HEATR3: variants seen among roughly 807,000 people sequenced by gnomAD.
HEATR3 encodes the protein HEAT repeat-containing protein 3.
In HEATR3, 56 loss-of-function variants were observed where a neutral mutation model predicts 72.8. The observed-to-expected ratio is 0.77, with a 90% confidence interval of 0.62 to 0.96. HEATR3 has a LOEUF of 0.96. HEATR3 is among the 40% of genes least tolerant of loss of function. HEATR3 has a pLI of 0.00. For missense variants in HEATR3, 747 were observed against 831.4 expected (o/e 0.90, Z 1.25); for synonymous variants, 331 against 318.1 (o/e 1.04, Z -0.43).
In HEATR3 at chr16:50,102,284, T is replaced by A; in HGVS notation, c.1769T>A (p.Val590Asp). 6.2e-7 allele frequency: 1 copy of A among 1,613,496 alleles called. No individual in the cohort carries two copies. Among genetic ancestry groups the A allele is most frequent in the Non-Finnish European group, 8.5e-7 (1 of 1,179,884 alleles). Reference protein sequence around the residue: ...LKNIGCFLLEVTTKDPSLVVA... With the variant: ...LKNIGCFLLEDTTKDPSLVVA... ...AACATTGGGTGCTTTCTGCTTGAAGTTACCACCAAAGATCCTTCCCTTGTG... is the reference window on the plus strand; with the variant it reads ...AACATTGGGTGCTTTCTGCTTGAAGATACCACCAAAGATCCTTCCCTTGTG... Residue 590 changes from valine to aspartate, a missense_variant, in exon 14 of 15, where the codon GTT (valine) becomes GAT (aspartate). Val to Asp is a radical substitution (Grantham distance 152, BLOSUM62 -3). Around this residue, in one of 2 missense-constraint regions of HEATR3, gnomAD observed 586 missense variants for 708.8 expected, o/e 0.83. Transcript: ENST00000299192.
Position 50,066,365 on chromosome 16 carries a change from A to T in HEATR3, c.139-2A>T. ...TCTGACCCTTTTCGCTCTCATCCGC[A>T]GCTCCAGCACCCGAGCGCCGAGGTC... On this transcript the variant is annotated splice_acceptor_variant, in intron 1 of 14. Coordinates refer to ENST00000299192, the MANE Select transcript of HEATR3 (RefSeq NM_182922.4). LOFTEE classifies it high-confidence loss of function. 5.2e-6 allele frequency: 8 copies of T among 1,551,962 alleles called. No individual in the cohort carries two copies. Among genetic ancestry groups the T allele is most frequent in the Non-Finnish European group, 6.9e-6 (8 of 1,159,968 alleles).
chr16:50,093,408 G>A (rs969357580), intron 11 of HEATR3, among the ~76,000 whole-genome samples: 3 of 152,208 alleles, frequency 2.0e-5, no homozygotes, highest in Non-Finnish European at 2.9e-5. Context: ...GTCTAGGCCA[G>A]TGGTTCTCAA....
chr16:50,104,518 G>A (rs570949656), intron 14 of HEATR3, among the ~76,000 whole-genome samples: 1 of 152,212 alleles, frequency 6.6e-6, no homozygotes, highest in Admixed American at 6.5e-5. Context: ...GCATGAGTAT[G>A]CACCCAGCCT....
intron 5 of HEATR3, chr16:50,072,938 A>G (rs924434195): frequency 2.2e-6 from 1 of 458,924 alleles, no homozygotes; most frequent in African/African-American, 2.0e-5. Context: ...GAGAAAGGTA[A>G]TTATGTGAGG....
intron 5 of HEATR3, 127 bp from the exon 6 acceptor site, chr16:50,075,444 A>G: frequency 1.4e-6 from 1 of 733,334 alleles, no homozygotes; most frequent in South Asian, 1.8e-5. Flanking sequence ...AAGCATATAT[A>G]TTTTGCAAAA....
At chr16:50,096,324 C>CAAAAAAAAAAAAAAAA (rs59995532) in intron 12 of HEATR3, among the ~76,000 whole-genome samples, 2 of 86,820 alleles carry the variant, frequency 2.3e-5, no homozygotes, top group Non-Finnish European at 4.4e-5. Flanking sequence ...GACTCCGTCT[C>CAAAAAAAAAAAAAAAA]AAAAAAAAAA....
chr16:50,074,865 C>T (rs2036688807), intron 5 of HEATR3: 1 of 151,986 alleles, frequency 6.6e-6, no homozygotes. Flanking sequence ...GCCTGTAGTC[C>T]CAGCTACTCG....
At chr16:50,072,503 C>T (rs1034774555) in intron 4 of HEATR3, 102 bp from the exon 5 acceptor site, 1 of 714,942 alleles carries the variant, frequency 1.4e-6, no homozygotes, top group African/African-American at 1.8e-5. Flanking sequence ...ATTCCAACTC[C>T]TTGGTTTATA....
intron 12 of HEATR3, 21 bp downstream of exon 12, chr16:50,094,814 T>C (rs2150621909): frequency 2.7e-6 from 4 of 1,470,366 alleles, no homozygotes; most frequent in Non-Finnish European, 2.8e-6. Flanking sequence ...TAAAATTTTT[T>C]GTATGAAACT....
chr16:50,092,219 C>G (rs1468872354), intron 11 of HEATR3, among the ~76,000 whole-genome samples: 1 of 151,728 alleles, frequency 6.6e-6, no homozygotes, highest in Non-Finnish European at 1.5e-5. Context: ...GCCTGTGGTC[C>G]CAGCTACTCG....
At chr16:50,079,339 G>C (rs2036815410) in intron 7 of HEATR3, among the ~76,000 whole-genome samples, 1 of 152,192 alleles carries the variant, frequency 6.6e-6, no homozygotes, top group African/African-American at 2.4e-5. Flanking sequence ...GTTACATACT[G>C]TCTGCCAGAC....
intron 11 of HEATR3, 89 bp downstream of exon 11, chr16:50,086,440 T>C: frequency 7.3e-7 from 1 of 1,360,606 alleles, no homozygotes; most frequent in East Asian, 2.5e-5. Flanking sequence ...ATATTGTTTG[T>C]CATCCAATGT....
Position 50,084,551 on chromosome 16 carries a change from T to A in HEATR3, c.1291-18T>A. ...GACTACTCTTTAACCTTTGCTTTAC[T>A]GCCTCTTTTAAATCTAGATTTTTGA... On this transcript the variant is annotated intron_variant, in intron 9 of 14. Coordinates refer to ENST00000299192, the MANE Select transcript of HEATR3 (RefSeq NM_182922.4). 1 of 1,570,120 alleles carries A rather than the reference T, an allele frequency of 6.4e-7. No homozygotes were observed. Among genetic ancestry groups the A allele is most frequent in the African/African-American group, 1.4e-5 (1 of 74,064 alleles).
intron 13 of HEATR3, chr16:50,100,709 A>C: frequency 3.5e-6 from 1 of 281,770 alleles, no homozygotes; most frequent in South Asian, 3.9e-5. Flanking sequence ...TGCATGTTAC[A>C]TTCTCCTGCT....
At chr16:50,095,664 A>G (rs1369869690) in intron 12 of HEATR3, among the ~76,000 whole-genome samples, 1 of 151,946 alleles carries the variant, frequency 6.6e-6, no homozygotes, top group Non-Finnish European at 1.5e-5. Context: ...AGTAGCTGGG[A>G]TTACAGGTGT....
chr16:50,093,691 T>G (rs1256925168), intron 11 of HEATR3, among the ~76,000 whole-genome samples: 1 of 152,126 alleles, frequency 6.6e-6, no homozygotes, highest in African/African-American at 2.4e-5. Flanking sequence ...TCATCCGAAG[T>G]CTTGTTCACT....
chr16:50,067,350 G>A (rs2036520251), intron 2 of HEATR3, among the ~76,000 whole-genome samples: 1 of 147,962 alleles, frequency 6.8e-6, no homozygotes, highest in South Asian at 2.2e-4. Context: ...ACAAGACCCT[G>A]TCTCAAAAAA....
chr16:50,098,658 AAATAAT>A (rs990900959), intron 12 of HEATR3, among the ~76,000 whole-genome samples: 2 of 151,874 alleles, frequency 1.3e-5, no homozygotes, highest in East Asian at 1.9e-4. Flanking sequence ...TCCGTTTCAA[AAATAAT>A]AATAATAATA....
intron 11 of HEATR3, among the ~76,000 whole-genome samples, chr16:50,091,030 G>C (rs2037097754): frequency 6.6e-6 from 1 of 152,262 alleles, no homozygotes; most frequent in South Asian, 2.1e-4. Context: ...CTGTAGTCCA[G>C]CTACTTGGGA....
Sources: allele counts gnomAD v4.1 joint callset (sites outside exome capture counted in the v4.1 genomes callset), GRCh38; gene constraint gnomAD v4.1.1; regional missense constraint gnomAD v4.1.1; transcripts MANE v1.5; gene names NCBI Gene and HGNC (gene_info 2026-07-23, HGNC 2026-07-21).